The following ZKSCAN5 variants were observed in gnomAD, a reference collection of about 807,000 sequenced individuals.
ZKSCAN5 encodes zinc finger with KRAB and SCAN domains 5, also known as zinc finger protein with KRAB and SCAN domains 5.
Under a neutral mutation model 60.0 loss-of-function variants are expected in ZKSCAN5, and 28 were observed. The ratio of observed to expected loss-of-function variants is 0.47; its 90% CI spans 0.35 to 0.64. ZKSCAN5 has a LOEUF of 0.64. ZKSCAN5 is among the 30% of genes least tolerant of loss of function. ZKSCAN5 has a pLI of 0.01. For synonymous variants in ZKSCAN5, 361 were observed against 371.2 expected, an observed-to-expected ratio of 0.97 and a Z score of 0.31; for missense variants, 881 against 1,034.6, an observed-to-expected ratio of 0.85 and a Z score of 2.04.
Position 99,506,602 on chromosome 7 carries a change from C to G in ZKSCAN5, c.414+144C>G. On this transcript the variant is annotated intron_variant, in intron 2 of 6. Coordinates refer to ENST00000326775, the MANE Select transcript of ZKSCAN5 (RefSeq NM_145102.4). Reference sequence around the variant, plus strand: ...GGTACCCTGTGACTTCCTGCCACTCCAGCAAAGAGAAGCAATATCCAGTGT... The same window carrying G: ...GGTACCCTGTGACTTCCTGCCACTCGAGCAAAGAGAAGCAATATCCAGTGT... 10 of 956,432 alleles carry G rather than the reference C, an allele frequency of 1.0e-5. No homozygotes were observed. In the South Asian group the frequency reaches 1.9e-4, roughly 18 times the overall value. 59.2% of individuals were successfully genotyped at this position (956,432 alleles called of 1,614,324 possible).
At chr7:99,530,796 C>T (rs895659249) in intron 6 of ZKSCAN5, among the ~76,000 whole-genome samples, 5 of 152,270 alleles carry the variant, frequency 3.3e-5, no homozygotes, top group African/African-American at 1.2e-4. Context: ...GTGGCTTAAA[C>T]CTGTAATCCC....
Position 99,526,083 on chromosome 7 carries a change from G to A in ZKSCAN5, c.1043G>A (p.Cys348Tyr). ...QSTHGERGHR[C>Y]SDCGKFFLQA... Reference sequence around the variant, plus strand: ...ACACATGGCGAGAGAGGGCACAGATGCAGCGATTGTGGCAAATTCTTCCTC... The same window carrying A: ...ACACATGGCGAGAGAGGGCACAGATACAGCGATTGTGGCAAATTCTTCCTC... The change falls in exon 6 of 7, where the codon TGC (cysteine) becomes TAC (tyrosine). Residue 348 changes from cysteine to tyrosine, a missense_variant. Cys to Tyr is a radical substitution (Grantham distance 194, BLOSUM62 -2). This residue lies in a region of ZKSCAN5 where 490 missense variants were observed against 554.5 expected (regional missense o/e 0.88). Transcript: ENST00000326775. The A allele has an allele frequency of 6.2e-7, 1 of 1,614,218 alleles. No homozygotes were observed. The highest frequency in any genetic ancestry group is 1.1e-5 in the South Asian group (1 of 91,086).
chr7:99,512,829 T>A (rs369881717), intron 3 of ZKSCAN5, among the ~76,000 whole-genome samples: 75 of 151,758 alleles, frequency 4.9e-4, no homozygotes, highest in Non-Finnish European at 1.5e-5. Flanking sequence ...TTTATTTATT[T>A]ATTTATTATT....
chr7:99,505,646 TAGAG>T (rs543385614), intron 1 of ZKSCAN5: 360 of 174,072 alleles, frequency 2.1e-3, no homozygotes, highest in Non-Finnish European at 3.2e-3. Context: ...CGTCTTATGG[TAGAG>T]AGAAAGAGCG....
In ZKSCAN5 at chr7:99,526,096, C is replaced by G. The variant is rs1801773997; in HGVS notation, c.1056C>G (p.Gly352=). ...GAGGGCACAGATGCAGCGATTGTGG[C>G]AAATTCTTCCTCCAAGCCTCAAACT... ...GERGHRCSDC[G]KFFLQASNFI... is the part of the protein sequence containing the mutation. Residue 352 remains glycine, a synonymous_variant, in exon 6 of 7, where the codon GGC becomes GGG. Coordinates refer to ENST00000326775, the MANE Select transcript of ZKSCAN5 (RefSeq NM_145102.4). The G allele has an allele frequency of 1.1e-5, 17 of 1,614,076 alleles. No individual in the cohort carries two copies. Among genetic ancestry groups the G allele is most frequent in the African/African-American group, 2.7e-5 (2 of 74,928 alleles).
chr7:99,515,813 G>A (rs1294519435), intron 3 of ZKSCAN5, among the ~76,000 whole-genome samples: 2 of 140,606 alleles, frequency 1.4e-5, no homozygotes, highest in African/African-American at 2.6e-5. Context: ...CAGCCTGGGC[G>A]ACAAAGCAAG....
At position 99,520,304 on chromosome 7, in the gene ZKSCAN5, G is replaced by A; in HGVS notation, c.772G>A (p.Gly258Ser). The A allele has an allele frequency of 1.2e-6, 2 of 1,610,536 alleles. No individual in the cohort carries two copies. Among genetic ancestry groups the A allele is most frequent in the Non-Finnish European group, 1.7e-6 (2 of 1,179,004 alleles). Residue 258 changes from glycine to serine, a missense_variant and splice_region_variant, in exon 5 of 7, where the codon GGT becomes AGT. Transcript: ENST00000326775. ...GAACTATGGGAGTATTACTTCCATG[G>A]GTAAGGATTATTTCATCTGCATGGA... Reference protein sequence around the residue: ...KENYGSITSMGYESRDNMELI... With the variant: ...KENYGSITSMSYESRDNMELI...
intron 3 of ZKSCAN5, among the ~76,000 whole-genome samples, chr7:99,514,123 CT>C (rs1447144256): frequency 1.2e-4 from 18 of 152,142 alleles, no homozygotes; most frequent in Non-Finnish European, 2.9e-5. Context: ...TCCAGAATCT[CT>C]TATTATCTTA....
Position 99,518,404 on chromosome 7 carries a change from G to A in ZKSCAN5, c.554-1423G>A, listed in dbSNP as rs532883853. On this transcript the variant is annotated intron_variant, in intron 3 of 6. Coordinates refer to ENST00000326775, the MANE Select transcript of ZKSCAN5 (RefSeq NM_145102.4). ...CCACTGCACTCTAGCCTGGGCCACA[G>A]AGCGAGACTCTGTCTCCAAAAAAAA... 6.7e-4 allele frequency among the ~76,000 whole-genome samples: 102 copies of A among 151,578 alleles called. 2 individuals are homozygous for A. Among genetic ancestry groups the A allele is most frequent in the African/African-American group, 2.3e-3 (97 of 41,324 alleles).
At chr7:99,507,552 T>C (rs1315550369) in intron 2 of ZKSCAN5, among the ~76,000 whole-genome samples, 1 of 145,984 alleles carries the variant, frequency 6.9e-6, no homozygotes, top group Non-Finnish European at 1.5e-5. Context: ...TGTATATATA[T>C]GTATATATAT....
intron 2 of ZKSCAN5, 69 bp downstream of exon 2, chr7:99,506,527 T>G: frequency 5.4e-6 from 8 of 1,478,242 alleles, no homozygotes; most frequent in East Asian, 2.3e-5. Flanking sequence ...AGGGGTGAGA[T>G]TCTTAGTCCT....
intron 2 of ZKSCAN5, among the ~76,000 whole-genome samples, chr7:99,508,028 G>A (rs528746327): frequency 1.3e-3 from 199 of 152,168 alleles, no homozygotes; most frequent in African/African-American, 4.5e-3. Flanking sequence ...GGCCGGGCAC[G>A]GTAGCTCATG....
At chr7:99,528,409 C>T (rs1410131741) in intron 6 of ZKSCAN5, among the ~76,000 whole-genome samples, 3 of 152,150 alleles carry the variant, frequency 2.0e-5, no homozygotes, top group African/African-American at 4.8e-5. Flanking sequence ...TTGCCTTCCA[C>T]ATTTTTTTTG....
Position 99,526,333 on chromosome 7 carries a change from C to T in ZKSCAN5, c.1293C>T (p.Gly431=), listed in dbSNP as rs760620196. Residue 431 remains glycine (G), a synonymous_variant, in exon 6 of 7, where the codon GGC becomes GGT. Coordinates refer to ENST00000326775, the MANE Select transcript of ZKSCAN5 (RefSeq NM_145102.4). ...HSVHSGERPY[G]CNECGKNFGR... ...TCCACAGCGGAGAGAGGCCCTATGG[C>T]TGCAATGAGTGTGGGAAGAACTTCG... The T allele has an allele frequency of 6.2e-7, 1 of 1,609,470 alleles. No homozygotes were observed. The highest frequency in any genetic ancestry group is 8.5e-7 in the Non-Finnish European group (1 of 1,180,026).
chr7:99,521,259 G>A (rs941097421), intron 5 of ZKSCAN5, among the ~76,000 whole-genome samples: 3 of 152,168 alleles, frequency 2.0e-5, no homozygotes, highest in Admixed American at 1.3e-4. Flanking sequence ...GTACAATGGC[G>A]CAATCTCAGC....
intron 3 of ZKSCAN5, 53 bp from the exon 4 acceptor site, chr7:99,519,774 A>T: frequency 6.4e-7 from 1 of 1,551,658 alleles, no homozygotes; most frequent in Non-Finnish European, 8.9e-7. Context: ...CATGATGGCA[A>T]TGAGAACCGG....
At position 99,526,262 on chromosome 7, in the gene ZKSCAN5, G is replaced by C; in HGVS notation, c.1222G>C (p.Gly408Arg). The change falls in exon 6 of 7, where the codon GGA becomes CGA. Residue 408 changes from glycine (G) to arginine (R), a missense_variant. Physicochemically the swap from Gly to Arg is moderately radical, Grantham distance 125. Around this residue, in one of 5 missense-constraint regions of ZKSCAN5, gnomAD observed 490 missense variants for 554.5 expected, o/e 0.88. Transcript: ENST00000326775. The stretch of plus-strand genomic sequence containing the variant: ...GAAACCCTACAAATGTCAGGTGTGC[G>C]GAAAGGCTTTCCGGGTGAGTTCCCA... ...GEKPYKCQVC[G>R]KAFRVSSHLV... 4 of 1,613,896 alleles carry C rather than the reference G, an allele frequency of 2.5e-6. No individual in the cohort carries two copies. The highest frequency in any genetic ancestry group is 3.4e-6 in the Non-Finnish European group (4 of 1,179,996).
In ZKSCAN5 at chr7:99,519,925, T is replaced by C; in HGVS notation, c.636+16T>C. 6.2e-7 allele frequency: 1 copy of C among 1,613,512 alleles called. No homozygotes were observed. The highest frequency in any genetic ancestry group is 1.1e-5 in the South Asian group (1 of 91,058). ...TGGGTCCCAGGTGAGCTGGTGCCCC[T>C]TTGCCCTCAGAGAGGACCCATCCTG... On this transcript the variant is annotated intron_variant, in intron 4 of 6. Transcript: ENST00000326775.
chr7:99,529,076 T>G (rs111778581), intron 6 of ZKSCAN5, among the ~76,000 whole-genome samples: 9 of 152,292 alleles, frequency 5.9e-5, no homozygotes, highest in African/African-American at 1.9e-4. Flanking sequence ...GCATACCCTC[T>G]TCATCATCCT....
Sources: gnomAD v4.1 joint callset for allele counts (sites outside exome capture counted in the v4.1 genomes callset) on GRCh38, gnomAD v4.1.1 for gene constraint, gnomAD v4.1.1 regional missense constraint, MANE v1.5 for transcripts, NCBI Gene and HGNC (gene_info 2026-07-23, HGNC 2026-07-21) for gene names.